Variants in RXRG observed in about 807,000 individuals in gnomAD.
The protein encoded by RXRG is retinoic acid receptor RXR-gamma.
Under a neutral mutation model 49.2 loss-of-function variants are expected in RXRG, and 19 were observed. That is an observed-to-expected ratio of 0.39 (90% CI 0.27 to 0.57). RXRG has a LOEUF of 0.57. RXRG is among the 20% of genes least tolerant of loss of function. The pLI, the probability that RXRG is intolerant of heterozygous loss-of-function variation, is 0.64. For synonymous variants in RXRG, 224 were observed against 216.6 expected (o/e 1.03, Z -0.30); for missense variants, 452 against 592.5 (o/e 0.76, Z 2.46).
intron 4 of RXRG, among the ~76,000 whole-genome samples, chr1:165,414,315 C>A (rs2101715680): frequency 6.6e-6 from 1 of 152,310 alleles, no homozygotes; most frequent in African/African-American, 2.4e-5. Flanking sequence ...TATTAAAGTA[C>A]CCAAACCATA....
intron 3 of RXRG, among the ~76,000 whole-genome samples, chr1:165,418,100 G>A (rs867290211): frequency 1.5e-3 from 169 of 116,400 alleles, no homozygotes; most frequent in Middle Eastern, 0.014. Flanking sequence ...GACAGAGCGA[G>A]ATCCCGTCTC....
intron 9 of RXRG, among the ~76,000 whole-genome samples, chr1:165,403,133 T>C (rs1657639686): frequency 6.6e-6 from 1 of 152,258 alleles, no homozygotes; most frequent in African/African-American, 2.4e-5. Context: ...GACCAGTGTG[T>C]GAAGGAATTC....
Position 165,414,048 on chromosome 1 carries a change from T to C in RXRG, c.623-2939A>G, listed in dbSNP as rs1658042448. Among the ~76,000 whole-genome samples the C allele has an allele frequency of 2.0e-5, 3 of 152,156 alleles. No homozygotes were observed. In the South Asian group the frequency reaches 6.2e-4, roughly 32 times the overall value. ...TGTTCAAACTGAGCCCCAAATTCTA[T>C]AAATCAAGACCAGAAATGATGGCGG... On this transcript the variant is annotated intron_variant, in intron 4 of 9. Transcript: ENST00000359842.
At chr1:165,417,298 C>A in intron 3 of RXRG, 78 bp from the exon 4 acceptor site, 1 of 1,367,896 alleles carries the variant, frequency 7.3e-7, no homozygotes, top group Non-Finnish European at 1.0e-6. Context: ...CCTCTTGGCT[C>A]TTCCCCCAGA....
chr1:165,443,560 A>T (rs1027275396), intron 1 of RXRG, among the ~76,000 whole-genome samples: 1 of 152,182 alleles, frequency 6.6e-6, no homozygotes, highest in East Asian at 1.9e-4. Flanking sequence ...TATTACACAC[A>T]TCATGCAGTA....
chr1:165,429,578 T>A (rs1658608623), intron 1 of RXRG, among the ~76,000 whole-genome samples: 1 of 152,178 alleles, frequency 6.6e-6, no homozygotes, highest in Admixed American at 6.5e-5. Context: ...TTCCTATATC[T>A]ATTGAAGCTT....
intron 9 of RXRG, among the ~76,000 whole-genome samples, chr1:165,405,306 C>T (rs750410319): frequency 6.6e-6 from 1 of 152,240 alleles, no homozygotes; most frequent in Non-Finnish European, 1.5e-5. Context: ...AAGGCTCACA[C>T]CTGACAGAGG....
intron 4 of RXRG, among the ~76,000 whole-genome samples, chr1:165,413,896 G>C (rs756069516): frequency 1.3e-5 from 2 of 152,194 alleles, no homozygotes; most frequent in Admixed American, 6.5e-5. Flanking sequence ...AAGGGCAACA[G>C]GTCCTGGCCC....
rs751038970 is a variant in RXRG at position 165,409,654 on chromosome 1, C to T, written c.950G>A (p.Arg317His). The T allele has an allele frequency of 1.8e-5, 28 of 1,556,648 alleles. No individual in the cohort carries two copies. The highest frequency in any genetic ancestry group is 7.3e-5 in the East Asian group (3 of 41,148). ...GATGCCATCCTGCACGGAAACTGAG[C>T]GGTGGGAGAAAGAGGCAATCAGCAA... Reference protein sequence around the residue: ...NELLIASFSHRSVSVQDGILL... With the variant: ...NELLIASFSHHSVSVQDGILL... The change falls in exon 7 of 10, where the codon CGC (arginine) becomes CAC (histidine). Residue 317 changes from arginine to histidine, a missense_variant. By Grantham distance (29) the Arg-to-His change is conservative (BLOSUM62 0). Transcript: ENST00000359842.
chr1:165,434,263 A>C (rs1339828479), intron 1 of RXRG, among the ~76,000 whole-genome samples: 1 of 112,880 alleles, frequency 8.9e-6, no homozygotes, highest in Non-Finnish European at 1.8e-5. Context: ...TCTCTAAACA[A>C]TGAATTGCAT....
At position 165,413,306 on chromosome 1, in the gene RXRG, A is replaced by G. The variant is rs1658012701; in HGVS notation, c.623-2197T>C. ...CCTTAGGAAAGGATTTTAACCATTC[A>G]TCCAACACGTGTTTATTTCGCACTT... On this transcript the variant is annotated intron_variant, in intron 4 of 9. Transcript: ENST00000359842. Among the ~76,000 whole-genome samples, 3 of 152,236 alleles carry G rather than the reference A, an allele frequency of 2.0e-5. No homozygotes were observed. The South Asian group carries it at 6.2e-4, about 32-fold the overall frequency.
At position 165,417,222 on chromosome 1, in the gene RXRG, T is replaced by G; in HGVS notation, c.443-2A>C. 2 of 1,598,292 alleles carry G rather than the reference T, an allele frequency of 1.3e-6. No individual in the cohort carries two copies. Among genetic ancestry groups the G allele is most frequent in the Non-Finnish European group, 1.7e-6 (2 of 1,170,816 alleles). On this transcript the variant is annotated splice_acceptor_variant, in intron 3 of 9. Transcript: ENST00000359842. LOFTEE classifies it high-confidence loss of function. The stretch of plus-strand genomic sequence containing the variant: ...AACTGTATACCCCGTAGTGCTTTCC[T>G]GGTTAGAAGAAAAGAACATTCCATA...
chr1:165,413,666 A>C lies in RXRG; in HGVS notation c.623-2557T>G, dbSNP rs570254849. Among the ~76,000 whole-genome samples the C allele has an allele frequency of 7.1e-4, 108 of 152,294 alleles. 1 individual carries two copies. The South Asian group carries it at 0.022, about 31-fold the overall frequency. On this transcript the variant is annotated intron_variant, in intron 4 of 9. Coordinates refer to ENST00000359842, the MANE Select transcript of RXRG (RefSeq NM_006917.5). ...CAATCCATTCACCAGTCTTGAAACTACATGTATATGACAAGAAATCATGGA... is the reference window on the plus strand; with the variant it reads ...CAATCCATTCACCAGTCTTGAAACTCCATGTATATGACAAGAAATCATGGA...
At chr1:165,422,669 C>A (rs1180807307) in intron 2 of RXRG, among the ~76,000 whole-genome samples, 1 of 152,142 alleles carries the variant, frequency 6.6e-6, no homozygotes, top group Non-Finnish European at 1.5e-5. Flanking sequence ...AATTGCCTTG[C>A]TAGGAGAATT....
intron 1 of RXRG, among the ~76,000 whole-genome samples, chr1:165,432,791 C>T (rs893234055): frequency 2.6e-5 from 4 of 152,184 alleles, no homozygotes; most frequent in African/African-American, 9.7e-5. Flanking sequence ...AGTGGTGTTT[C>T]TTGCAAATTT....
chr1:165,416,908 G>T (rs549843357), intron 4 of RXRG, 133 bp downstream of exon 4: 13 of 847,798 alleles, frequency 1.5e-5, no homozygotes, highest in African/African-American at 1.2e-4. Context: ...TTAGAGCCCT[G>T]TGGGAAAGAA....
At chr1:165,436,994 C>T (rs1658835406) in intron 1 of RXRG, 2 of 1,139,440 alleles carry the variant, frequency 1.8e-6, no homozygotes, top group South Asian at 3.9e-5. Context: ...AAACAAAGCA[C>T]TTAATGAATA....
At chr1:165,420,432 A>G (rs1248035128) in intron 2 of RXRG, among the ~76,000 whole-genome samples, 2 of 152,106 alleles carry the variant, frequency 1.3e-5, no homozygotes, top group African/African-American at 2.4e-5. Context: ...AAAGACTTAC[A>G]CTCTAAGAGA....
At position 165,419,396 on chromosome 1, in the gene RXRG, C is replaced by CT. The variant is rs565597851; in HGVS notation, c.442+473dup. On this transcript the variant is annotated intron_variant, in intron 3 of 9. Coordinates refer to ENST00000359842, the MANE Select transcript of RXRG (RefSeq NM_006917.5). ...TATCTGGGAGGGGTTATTCTTAATA[C>CT]TTTTTTTTTTTTGAGATGGAGTCTC... Among the ~76,000 whole-genome samples the CT allele has an allele frequency of 7.3e-3, 1,071 of 146,222 alleles. 14 individuals are homozygous for CT. Among genetic ancestry groups the CT allele is most frequent in the Admixed American group, 0.028 (403 of 14,622 alleles).
Sources: gnomAD v4.1 joint callset for allele counts (sites outside exome capture counted in the v4.1 genomes callset) on GRCh38, gnomAD v4.1.1 for gene constraint, MANE v1.5 for transcripts, NCBI Gene and HGNC (gene_info 2026-07-23, HGNC 2026-07-21) for gene names.